The following PHTF1 variants were observed in gnomAD, a reference collection of about 807,000 sequenced individuals.
PHTF1 encodes putative homeodomain transcription factor 1, also known as protein PHTF1.
A neutral mutation model predicts 102.4 loss-of-function variants in PHTF1; 88 were observed. The ratio of observed to expected loss-of-function variants is 0.86; its 90% CI spans 0.72 to 1.03. The LOEUF (loss-of-function observed/expected upper bound fraction) is 1.03. Among genes scored for constraint, PHTF1 ranks in the 50% least tolerant of loss-of-function variants. PHTF1 has a pLI of 0.00. For missense variants in PHTF1, 814 were observed against 909.5 expected (o/e 0.89, Z 1.35); for synonymous variants, 289 against 305.2 (o/e 0.95, Z 0.55).
chr1:113,704,446 TA>T (rs1458525341), intron 14 of PHTF1, among the ~76,000 whole-genome samples: 1 of 152,172 alleles, frequency 6.6e-6, no homozygotes, highest in Non-Finnish European at 1.5e-5. Flanking sequence ...ACTTTGCCCC[TA>T]GGAAATTTAG....
At chr1:113,739,141 C>T (rs1397264725) in intron 3 of PHTF1, among the ~76,000 whole-genome samples, 1 of 152,212 alleles carries the variant, frequency 6.6e-6, no homozygotes, top group African/African-American at 2.4e-5. Context: ...GTGTTAGCCT[C>T]TGCGCCCAGC....
chr1:113,757,242 G>A (rs1428877312), intron 3 of PHTF1, among the ~76,000 whole-genome samples: 7 of 152,182 alleles, frequency 4.6e-5, no homozygotes. Context: ...GGGGACCATA[G>A]GCTGGATTCA....
intron 3 of PHTF1, among the ~76,000 whole-genome samples, chr1:113,747,529 T>C (rs1251015734): frequency 6.6e-6 from 1 of 152,230 alleles, no homozygotes; most frequent in Non-Finnish European, 1.5e-5. Context: ...TATCCTGGAA[T>C]TCCTTTTACT....
intron 3 of PHTF1, among the ~76,000 whole-genome samples, chr1:113,741,559 T>G (rs1232068932): frequency 6.6e-6 from 1 of 152,342 alleles, no homozygotes; most frequent in East Asian, 1.9e-4. Context: ...CAAAATAATT[T>G]TTCTACTTTC....
chr1:113,710,320 C>T lies in PHTF1; in HGVS notation c.1203G>A (p.Glu401=). 1 of 1,614,120 alleles carries T rather than the reference C, an allele frequency of 6.2e-7. No individual in the cohort carries two copies. Among genetic ancestry groups the T allele is most frequent in the Non-Finnish European group, 8.5e-7 (1 of 1,180,016 alleles). ...AGTGAAGGGTATTCACATGGGCCCCCTCACTGTCACTGGTGACAGATGACC... is the reference window on the plus strand; with the variant it reads ...AGTGAAGGGTATTCACATGGGCCCCTTCACTGTCACTGGTGACAGATGACC... ...ECRSSVTSDS[E]GAHVNTLHSG... Residue 401 remains glutamate, a synonymous_variant, in exon 11 of 19, where the codon GAG becomes GAA. Transcript: ENST00000369604.
chr1:113,719,095 G>A (rs1248776574), intron 7 of PHTF1, among the ~76,000 whole-genome samples: 1 of 151,932 alleles, frequency 6.6e-6, no homozygotes, highest in Non-Finnish European at 1.5e-5. Flanking sequence ...CCACCTCTTG[G>A]GTTCAAGCAA....
At position 113,755,750 on chromosome 1, in the gene PHTF1, T is replaced by C. The variant is rs79095680; in HGVS notation, c.102+1949A>G. ...AAAGGAAGGTATGTATTAAATGACA[T>C]GGAAAAGAGTGAAGGAAATCAGGCA... is the stretch of plus-strand genomic sequence containing the variant. On this transcript the variant is annotated intron_variant, in intron 3 of 18. Transcript: ENST00000369604. Among the ~76,000 whole-genome samples, 428 of 152,054 alleles carry C rather than the reference T, an allele frequency of 2.8e-3. 8 individuals are homozygous for C. The highest frequency in any genetic ancestry group is 0.019 in the East Asian group (98 of 5,174).
intron 7 of PHTF1, chr1:113,713,666 G>C: frequency 2.2e-6 from 1 of 458,996 alleles, no homozygotes; most frequent in South Asian, 2.5e-5. Context: ...TTAACTGAAA[G>C]GAAGCATATA....
chr1:113,758,000 A>G (rs1659133407), intron 2 of PHTF1, among the ~76,000 whole-genome samples: 1 of 152,172 alleles, frequency 6.6e-6, no homozygotes, highest in South Asian at 2.1e-4. Context: ...ACCTTAAAAG[A>G]TATTTCCACT....
At chr1:113,729,520 T>C (rs188164156) in intron 5 of PHTF1, among the ~76,000 whole-genome samples, 57 of 152,070 alleles carry the variant, frequency 3.7e-4, no homozygotes, top group East Asian at 5.8e-4. Flanking sequence ...CTTATAAATA[T>C]ATATACCTAC....
chr1:113,705,968 T>C lies in PHTF1; in HGVS notation c.1593A>G (p.Ile531Met). Residue 531 changes from isoleucine to methionine, a missense_variant, in exon 13 of 19, where the codon ATA becomes ATG. By Grantham distance (10) the Ile-to-Met change is conservative. Coordinates refer to ENST00000369604, the MANE Select transcript of PHTF1 (RefSeq NM_001323043.2). ...GACACAATCTTTCAAAAAAATTAAT[T>C]ATCGACAAAACAATAATAGGTGTAA... is the stretch of plus-strand genomic sequence containing the variant. ...PPVTPIIVLS[I>M]INFFERLCLT... The C allele has an allele frequency of 3.7e-6, 6 of 1,613,906 alleles. No individual in the cohort carries two copies. The highest frequency in any genetic ancestry group is 3.4e-6 in the Non-Finnish European group (4 of 1,179,834).
intron 5 of PHTF1, among the ~76,000 whole-genome samples, chr1:113,732,538 T>TA (rs1654824384): frequency 6.6e-6 from 1 of 152,136 alleles, no homozygotes; most frequent in Admixed American, 6.6e-5. Context: ...TAATCCATAT[T>TA]AAACAGCTGT....
chr1:113,741,007 G>C (rs1656264653), intron 3 of PHTF1, among the ~76,000 whole-genome samples: 1 of 151,854 alleles, frequency 6.6e-6, no homozygotes, highest in African/African-American at 2.4e-5. Flanking sequence ...CTCTAATCTG[G>C]GTGACAGAGC....
At chr1:113,726,791 C>A (rs1380325483) in intron 5 of PHTF1, among the ~76,000 whole-genome samples, 1 of 152,148 alleles carries the variant, frequency 6.6e-6, no homozygotes, top group Non-Finnish European at 1.5e-5. Context: ...AAGGATTTAC[C>A]TTTCTAGCAG....
chr1:113,696,977 AG>A lies in PHTF1; in HGVS notation c.*727del, dbSNP rs1648884170. The A allele has an allele frequency of 6.6e-6, 1 of 152,260 alleles. No individual in the cohort carries two copies. Among genetic ancestry groups the A allele is most frequent in the African/African-American group, 2.4e-5 (1 of 41,466 alleles). 9.4% of individuals were successfully genotyped at this position (152,260 alleles called of 1,614,324 possible). A position where few individuals can be genotyped will look rare whatever the true frequency, so the allele number is the denominator to read the frequency against. ...AACAATGCTTCCATGGCTTCCACAT[AG>A]AACGTGGAAACCATGTTGTATGATG... On this transcript the variant is annotated 3_prime_UTR_variant, in exon 19 of 19. Transcript: ENST00000369604.
rs536246223 is a variant in PHTF1 at position 113,711,812 on chromosome 1, C to T, written c.981G>A (p.Trp327Ter). 3.1e-6 allele frequency: 5 copies of T among 1,613,922 alleles called. No individual in the cohort carries two copies. The highest frequency in any genetic ancestry group is 1.3e-5 in the African/African-American group (1 of 75,038). Residue 327 changes from tryptophan (W) to a stop codon, truncating the protein, a stop_gained, in exon 10 of 19, where the codon TGG (tryptophan) becomes TGA (stop). Transcript: ENST00000369604. LOFTEE classifies it high-confidence loss of function. ...TATCTGAATCCCGCACAATATGACA[C>T]CACCTTGTAGTGGTTTTCTTTACCT... ...NSQVKKTTTRWCHIVRDSDSL... is the reference protein window; with the variant it reads ...NSQVKKTTTR
chr1:113,755,293 G>A (rs1658686076), intron 3 of PHTF1, among the ~76,000 whole-genome samples: 1 of 151,760 alleles, frequency 6.6e-6, no homozygotes, highest in South Asian at 2.1e-4. Context: ...TAAGACTTAA[G>A]CATATTAAAA....
intron 7 of PHTF1, among the ~76,000 whole-genome samples, chr1:113,718,515 C>T (rs1371987708): frequency 2.0e-5 from 3 of 152,226 alleles, no homozygotes; most frequent in Non-Finnish European, 4.4e-5. Context: ...GCTCCGACCC[C>T]ACCTTTTCCC....
chr1:113,718,994 C>T (rs947120039), intron 7 of PHTF1, among the ~76,000 whole-genome samples: 34 of 151,932 alleles, frequency 2.2e-4, no homozygotes, highest in African/African-American at 8.0e-4. Context: ...ATGGGTTTTT[C>T]TTTTCTTCTT....
Sources: allele counts gnomAD v4.1 joint callset (sites outside exome capture counted in the v4.1 genomes callset), GRCh38; gene constraint gnomAD v4.1.1; transcripts MANE v1.5; gene names NCBI Gene and HGNC (gene_info 2026-07-23, HGNC 2026-07-21).